Variants in ARB2A observed in about 807,000 individuals in gnomAD.
ARB2A encodes the protein ARB2 cotranscriptional regulator A, also known as cotranscriptional regulator ARB2A.
chr5:93,751,370 C>A, the ARB2A span, among the ~76,000 whole-genome samples: 1 of 152,080 alleles, frequency 6.6e-6, no homozygotes, highest in Non-Finnish European at 1.5e-5. Context: ...TAAACAGACA[C>A]TATGGACAGA....
the ARB2A span, among the ~76,000 whole-genome samples, chr5:94,010,946 C>T: frequency 6.6e-6 from 1 of 152,068 alleles, no homozygotes; most frequent in Non-Finnish European, 1.5e-5. Flanking sequence ...TATCAAGGAA[C>T]CTAAGTCACT....
chr5:93,805,902 CT>C, the ARB2A span: 42 of 984,908 alleles, frequency 4.3e-5, 1 homozygote, highest in Non-Finnish European at 4.7e-5. Flanking sequence ...TCTGAATTAG[CT>C]TGTTTGATCA....
the ARB2A span, among the ~76,000 whole-genome samples, chr5:94,063,397 A>G: frequency 6.6e-6 from 1 of 152,148 alleles, no homozygotes; most frequent in African/African-American, 2.4e-5. Context: ...CCTACCATCA[A>G]CAAAATCGTG....
At chr5:93,724,754 A>G in the ARB2A span, among the ~76,000 whole-genome samples, 1 of 152,056 alleles carries the variant, frequency 6.6e-6, no homozygotes, top group Non-Finnish European at 1.5e-5. Context: ...TTATGCATAC[A>G]TACCTATGAT....
the ARB2A span, chr5:93,734,434 G>A: frequency 6.6e-6 from 1 of 152,138 alleles, no homozygotes; most frequent in African/African-American, 2.4e-5. Flanking sequence ...CTAAAGAAGA[G>A]CCACGGTCCT....
chr5:93,862,950 AATTT>A, the ARB2A span: 2 of 152,120 alleles, frequency 1.3e-5, no homozygotes, highest in African/African-American at 4.8e-5. Flanking sequence ...TTAACATATT[AATTT>A]AGAGAAACTG....
chr5:93,626,229 A>G, the ARB2A span, among the ~76,000 whole-genome samples: 1 of 152,214 alleles, frequency 6.6e-6, no homozygotes, highest in Non-Finnish European at 1.5e-5. Flanking sequence ...CCCTTAATAA[A>G]GTGAATAATT....
the ARB2A span, among the ~76,000 whole-genome samples, chr5:94,007,510 C>T: frequency 6.6e-6 from 1 of 152,152 alleles, no homozygotes; most frequent in Non-Finnish European, 1.5e-5. Flanking sequence ...CGGTGGCTCA[C>T]ATCTGTAATC....
the ARB2A span, among the ~76,000 whole-genome samples, chr5:93,832,599 T>C: frequency 2.0e-5 from 3 of 152,140 alleles, no homozygotes; most frequent in Non-Finnish European, 2.9e-5. Flanking sequence ...AAATTGCCCT[T>C]AGCCAAAAAG....
At chr5:94,076,202 G>T in the ARB2A span, among the ~76,000 whole-genome samples, 5 of 152,022 alleles carry the variant, frequency 3.3e-5, no homozygotes, top group African/African-American at 1.2e-4. Context: ...AAATAGTACA[G>T]AAGGTATATA....
the ARB2A span, chr5:93,776,270 T>G: frequency 6.4e-7 from 1 of 1,563,814 alleles, no homozygotes; most frequent in South Asian, 1.2e-5. Context: ...ACAATATTGT[T>G]GAAATACAAT....
the ARB2A span, among the ~76,000 whole-genome samples, chr5:93,843,415 T>A: frequency 6.8e-6 from 1 of 147,616 alleles, no homozygotes; most frequent in East Asian, 2.0e-4. Flanking sequence ...AGAACAAGGA[T>A]ACTTTTTTTT....
the ARB2A span, chr5:93,881,506 G>T: frequency 6.2e-7 from 1 of 1,610,300 alleles, no homozygotes; most frequent in African/African-American, 1.3e-5. Flanking sequence ...TTTCTCTTTG[G>T]GGGTTACGAT....
the ARB2A span, among the ~76,000 whole-genome samples, chr5:93,875,625 T>A: frequency 6.6e-6 from 1 of 152,222 alleles, no homozygotes; most frequent in Admixed American, 6.5e-5. Context: ...AATAAAAAGT[T>A]ATTATTCACA....
the ARB2A span, chr5:93,683,725 C>T: frequency 1.9e-6 from 3 of 1,609,564 alleles, no homozygotes; most frequent in Non-Finnish European, 2.5e-6. Context: ...CATCGGGTGG[C>T]GGCACGCACT....
chr5:93,854,876 A>C, the ARB2A span, among the ~76,000 whole-genome samples: 18 of 152,228 alleles, frequency 1.2e-4, no homozygotes, highest in African/African-American at 4.3e-4. Context: ...CTTTACTTCC[A>C]ACTATGTGGT....
chr5:93,871,660 C>T, the ARB2A span, among the ~76,000 whole-genome samples: 2 of 151,970 alleles, frequency 1.3e-5, no homozygotes, highest in Non-Finnish European at 2.9e-5. Context: ...TTCAAAAATG[C>T]CATATTTTTC....
At chr5:93,797,048 G>T in the ARB2A span, among the ~76,000 whole-genome samples, 1 of 152,030 alleles carries the variant, frequency 6.6e-6, no homozygotes. Flanking sequence ...ATATACTAGT[G>T]AACCATAAAC....
At chr5:93,891,630 T>C in the ARB2A span, among the ~76,000 whole-genome samples, 1 of 152,094 alleles carries the variant, frequency 6.6e-6, no homozygotes, top group Admixed American at 6.6e-5. Context: ...TTTTATGTTA[T>C]CACAAAACCT....
Sources: gnomAD v4.1 joint callset for allele counts (sites outside exome capture counted in the v4.1 genomes callset) on GRCh38, gnomAD v4.1.1 for gene constraint, MANE v1.5 for transcripts, NCBI Gene and HGNC (gene_info 2026-07-23, HGNC 2026-07-21) for gene names.